Variants in SAMD5 observed in about 807,000 individuals in gnomAD.
The protein encoded by SAMD5 is sterile alpha motif domain-containing protein 5.
A neutral mutation model predicts 11.3 loss-of-function variants in SAMD5; 13 were observed. That is an observed-to-expected ratio of 1.15 (90% CI 0.75 to 1.83). The LOEUF (loss-of-function observed/expected upper bound fraction) is 1.83. Ranked by LOEUF, SAMD5 falls within the 40% of genes most tolerant of loss-of-function variation. SAMD5 has a pLI of 0.00. For synonymous variants in SAMD5, 129 were observed against 111.3 expected (o/e 1.16, Z -1.00); for missense variants, 255 against 239.1 (o/e 1.07, Z -0.44).
In SAMD5 at chr6:147,509,254, A is replaced by G; in HGVS notation, c.326A>G (p.Asp109Gly). Residue 109 changes from aspartate to glycine, a missense_variant, in exon 1 of 2, where the codon GAC becomes GGC. Asp to Gly is a moderately conservative substitution (Grantham distance 94). Coordinates refer to ENST00000367474, the MANE Select transcript of SAMD5 (RefSeq NM_001030060.3). Reference sequence around the variant, plus strand: ...GGCCCGGCCCAGGGCACCCGCGGGGACTCTCGCGGCCACACGACCGCCCCC... The same window carrying G: ...GGCCCGGCCCAGGGCACCCGCGGGGGCTCTCGCGGCCACACGACCGCCCCC... ...CGGPAQGTRG[D>G]SRGHTTAPRS... 6.6e-7 allele frequency: 1 copy of G among 1,518,954 alleles called. No individual in the cohort carries two copies. The highest frequency in any genetic ancestry group is 1.2e-5 in the South Asian group (1 of 81,004). The allele number at this position is 1,518,954 out of a possible 1,614,324, so 94.1% of individuals were successfully genotyped here.
At chr6:147,912,699 G>C in the SAMD5 span, among the ~76,000 whole-genome samples, 1 of 152,080 alleles carries the variant, frequency 6.6e-6, no homozygotes, top group Non-Finnish European at 1.5e-5. Context: ...TGATTGAATG[G>C]CCTATGGTAC....
intron 1 of SAMD5, among the ~76,000 whole-genome samples, chr6:147,675,895 A>T (rs1362973258): frequency 1.3e-5 from 2 of 152,200 alleles, no homozygotes; most frequent in African/African-American, 4.8e-5. Flanking sequence ...AAAGAAATAA[A>T]CTTCCTTTGC....
At chr6:147,746,221 T>C in the SAMD5 span, among the ~76,000 whole-genome samples, 1 of 152,202 alleles carries the variant, frequency 6.6e-6, no homozygotes, top group Non-Finnish European at 1.5e-5. Flanking sequence ...TGTTTAGAAC[T>C]GTGTCTTTCA....
chr6:147,710,731 G>A (rs539653956), intron 1 of SAMD5, among the ~76,000 whole-genome samples: 1 of 152,152 alleles, frequency 6.6e-6, no homozygotes, highest in East Asian at 1.9e-4. Flanking sequence ...TTTATCATAG[G>A]TATGTTTTAT....
Position 147,540,943 on chromosome 6 carries a change from T to A in SAMD5, c.460-23451T>A, listed in dbSNP as rs868012979. Reference sequence around the variant, plus strand: ...GGGTTCAAGCCACGCGTTTTTTTTTTTTTTTTTTTTTTTTTTTGAGAAGGA... The same window carrying A: ...GGGTTCAAGCCACGCGTTTTTTTTTATTTTTTTTTTTTTTTTTGAGAAGGA... On this transcript the variant is annotated intron_variant, in intron 1 of 1. Transcript: ENST00000367474. Among the ~76,000 whole-genome samples the A allele has an allele frequency of 1.8e-4, 25 of 136,790 alleles. 1 individual carries two copies. The highest frequency in any genetic ancestry group is 2.6e-4 in the South Asian group (1 of 3,908). The allele number at this position is 136,790 out of a possible 152,430, so 89.7% of individuals were successfully genotyped here.
At chr6:147,530,177 T>A (rs900633021) in intron 1 of SAMD5, among the ~76,000 whole-genome samples, 4 of 152,350 alleles carry the variant, frequency 2.6e-5, no homozygotes, top group East Asian at 3.9e-4. Context: ...ACAATATTTA[T>A]TTTTTGTGTT....
intron 1 of SAMD5, among the ~76,000 whole-genome samples, chr6:147,710,663 T>C (rs1791385727): frequency 6.6e-6 from 1 of 152,208 alleles, no homozygotes; most frequent in African/African-American, 2.4e-5. Flanking sequence ...GCTATAATTG[T>C]TAGTTGTTCT....
chr6:147,611,632 G>A (rs1468242055), intron 1 of SAMD5, among the ~76,000 whole-genome samples: 1 of 152,152 alleles, frequency 6.6e-6, no homozygotes, highest in East Asian at 1.9e-4. Flanking sequence ...GTGACCTGCA[G>A]TGGGGGTTTT....
chr6:147,945,925 TTA>T, the SAMD5 span, among the ~76,000 whole-genome samples: 2 of 152,286 alleles, frequency 1.3e-5, no homozygotes, highest in South Asian at 2.1e-4. Flanking sequence ...CATGGCCAGC[TTA>T]TTACTGGGAG....
chr6:147,743,623 G>A, the SAMD5 span, among the ~76,000 whole-genome samples: 1 of 152,094 alleles, frequency 6.6e-6, no homozygotes, highest in African/African-American at 2.4e-5. Flanking sequence ...TGAAGCAAAT[G>A]CATATAATTT....
At chr6:147,737,230 T>C in intron 1 of SAMD5, 1 of 705,594 alleles carries the variant, frequency 1.4e-6, no homozygotes, top group Non-Finnish European at 1.9e-6. Context: ...AAGGGTGAGT[T>C]TTCAGTTCCC....
the SAMD5 span, among the ~76,000 whole-genome samples, chr6:147,907,113 A>G: frequency 6.6e-6 from 1 of 152,188 alleles, no homozygotes; most frequent in African/African-American, 2.4e-5. Flanking sequence ...CTGAAGCTTC[A>G]GTTTGTCCCC....
At chr6:147,579,948 T>A (rs1271101293) in intron 1 of SAMD5, among the ~76,000 whole-genome samples, 1 of 152,210 alleles carries the variant, frequency 6.6e-6, no homozygotes, top group Non-Finnish European at 1.5e-5. Context: ...CCTATCATCA[T>A]GGAGATTTTC....
chr6:147,651,656 C>T (rs1271983240), intron 1 of SAMD5, among the ~76,000 whole-genome samples: 2 of 152,182 alleles, frequency 1.3e-5, no homozygotes, highest in African/African-American at 4.8e-5. Flanking sequence ...TCTCTGATTC[C>T]CCAGCCTTCA....
At chr6:147,795,848 G>A in the SAMD5 span, among the ~76,000 whole-genome samples, 3,758 of 152,066 alleles carry the variant, frequency 0.025, 86 homozygotes, top group Middle Eastern at 0.068. Context: ...GTGTTTTTTG[G>A]CTGCATAAAT....
intron 1 of SAMD5, among the ~76,000 whole-genome samples, chr6:147,616,520 C>T: frequency 6.6e-6 from 1 of 151,920 alleles, no homozygotes; most frequent in Non-Finnish European, 1.5e-5. Context: ...ATTCACTAGC[C>T]ATATGATACT....
chr6:147,922,563 G>A, the SAMD5 span, among the ~76,000 whole-genome samples: 1 of 152,148 alleles, frequency 6.6e-6, no homozygotes, highest in Non-Finnish European at 1.5e-5. Flanking sequence ...AAGCATGAGT[G>A]CAGATAAGGT....
At chr6:147,798,827 CT>C in the SAMD5 span, among the ~76,000 whole-genome samples, 1 of 152,102 alleles carries the variant, frequency 6.6e-6, no homozygotes, top group African/African-American at 2.4e-5. Flanking sequence ...ATGTAATGGC[CT>C]TCTTTGTCTC....
chr6:147,743,939 T>G, the SAMD5 span, among the ~76,000 whole-genome samples: 1 of 152,354 alleles, frequency 6.6e-6, no homozygotes, highest in Non-Finnish European at 1.5e-5. Context: ...GATTTCACAG[T>G]TAGCCCTTGA....
Sources: gnomAD v4.1 joint callset for allele counts (sites outside exome capture counted in the v4.1 genomes callset) on GRCh38, gnomAD v4.1.1 for gene constraint, MANE v1.5 for transcripts, NCBI Gene and HGNC (gene_info 2026-07-23, HGNC 2026-07-21) for gene names.